Variants in OR2M3 observed in about 807,000 individuals in gnomAD.
OR2M3 encodes the protein olfactory receptor 2M3.
In OR2M3, 1 loss-of-function variant was observed where a neutral mutation model predicts 4.3. The ratio of observed to expected loss-of-function variants is 0.23; its 90% CI spans 0.08 to 1.11. OR2M3 has a LOEUF of 1.11. Ranked by LOEUF, OR2M3 falls within the 50% of genes most tolerant of loss-of-function variation. The pLI, the probability that OR2M3 is intolerant of heterozygous loss-of-function variation, is 0.54. For synonymous variants in OR2M3, 151 were observed against 139.4 expected (o/e 1.08, Z -0.59); for missense variants, 410 against 390.4 (o/e 1.05, Z -0.42).
chr1:248,210,560 C>G lies in OR2M3; in HGVS notation c.*6554C>G, dbSNP rs1666271912. ...GAAAATAGCCTTAACTGATGACATT[C>G]CACCATTGTGATTTGTTTCTGCCCC... On this transcript the variant is annotated 3_prime_UTR_variant, in exon 2 of 2. Transcript: ENST00000641626. 1 of 153,576 alleles carries G rather than the reference C, an allele frequency of 6.5e-6. No individual in the cohort carries two copies. Among genetic ancestry groups the G allele is most frequent in the South Asian group, 2.1e-4 (1 of 4,862 alleles). The allele number at this position is 153,576 out of a possible 1,614,324, so 9.5% of individuals were successfully genotyped here. A position where few individuals can be genotyped will look rare whatever the true frequency, so the allele number is the denominator to read the frequency against.
At chr1:248,198,747 A>G (rs1666125445) in intron 1 of OR2M3, among the ~76,000 whole-genome samples, 1 of 151,974 alleles carries the variant, frequency 6.6e-6, no homozygotes, top group Non-Finnish European at 1.5e-5. Flanking sequence ...TCTCATCATG[A>G]TTTTCATAAT....
intron 1 of OR2M3, among the ~76,000 whole-genome samples, chr1:248,198,343 T>C (rs1271946795): frequency 2.6e-5 from 4 of 152,190 alleles, no homozygotes; most frequent in Non-Finnish European, 5.9e-5. Flanking sequence ...ACTTTGTTCA[T>C]TCAACATTCT....
At chr1:248,198,577 C>T (rs1228620743) in intron 1 of OR2M3, among the ~76,000 whole-genome samples, 2 of 152,134 alleles carry the variant, frequency 1.3e-5, no homozygotes, top group Admixed American at 6.6e-5. Flanking sequence ...CACATGCTGT[C>T]TGATACATAA....
intron 1 of OR2M3, among the ~76,000 whole-genome samples, chr1:248,201,918 T>A (rs908274327): frequency 2.6e-5 from 4 of 152,086 alleles, no homozygotes; most frequent in Non-Finnish European, 5.9e-5. Flanking sequence ...GTAGCCACAG[T>A]GGTCAACACG....
Position 248,208,716 on chromosome 1 carries a change from G to A in OR2M3, c.*4710G>A, listed in dbSNP as rs956406805. On this transcript the variant is annotated 3_prime_UTR_variant, in exon 2 of 2. Transcript: ENST00000641626. ...TAATAAATCTGCTATCAATGTGATA[G>A]GTTTTTCTTTACAGGTTACCTGATG... The A allele has an allele frequency of 6.6e-6, 1 of 152,104 alleles. No homozygotes were observed. The highest frequency in any genetic ancestry group is 6.6e-5 in the Admixed American group (1 of 15,244). 9.4% of individuals were successfully genotyped at this position (152,104 alleles called of 1,614,324 possible). A position where few individuals can be genotyped will look rare whatever the true frequency, so the allele number is the denominator to read the frequency against.
Position 248,212,913 on chromosome 1 carries a change from A to G in OR2M3, c.*8907A>G, listed in dbSNP as rs1666296455. On this transcript the variant is annotated 3_prime_UTR_variant, in exon 2 of 2. Coordinates refer to ENST00000641626, the MANE Select transcript of OR2M3 (RefSeq NM_001004689.2). ...TTTTATTCATATTATAAAGGATTATATATCTGTTGTGGGTGTGAATTATCT... is the reference window on the plus strand; with the variant it reads ...TTTTATTCATATTATAAAGGATTATGTATCTGTTGTGGGTGTGAATTATCT... The G allele has an allele frequency of 6.6e-6, 1 of 151,928 alleles. No homozygotes were observed. The highest frequency in any genetic ancestry group is 1.5e-5 in the Non-Finnish European group (1 of 67,974). 9.4% of individuals were successfully genotyped at this position (151,928 alleles called of 1,614,324 possible).
Position 248,204,084 on chromosome 1 carries a change from A to T in OR2M3, c.*78A>T. ...GTCCTATTTTTCCATTAAGCCTTGAAAATGGGATTCATTGTGTACATAAAT... is the reference window on the plus strand; with the variant it reads ...GTCCTATTTTTCCATTAAGCCTTGATAATGGGATTCATTGTGTACATAAAT... On this transcript the variant is annotated 3_prime_UTR_variant, in exon 2 of 2. Transcript: ENST00000641626. 7.2e-7 allele frequency: 1 copy of T among 1,382,872 alleles called. No homozygotes were observed. The highest frequency in any genetic ancestry group is 1.0e-6 in the Non-Finnish European group (1 of 981,086). 85.7% of individuals were successfully genotyped at this position (1,382,872 alleles called of 1,614,324 possible).
At position 248,206,369 on chromosome 1, in the gene OR2M3, T is replaced by A. The variant is rs1466250119; in HGVS notation, c.*2363T>A. On this transcript the variant is annotated 3_prime_UTR_variant, in exon 2 of 2. Transcript: ENST00000641626. ...GACATGGTGAAAGTGGACATCCTTG[T>A]CTTGTTCCAGTTCTCAGGGGGAATG... The A allele has an allele frequency of 6.6e-6, 1 of 152,118 alleles. No individual in the cohort carries two copies. The highest frequency in any genetic ancestry group is 2.4e-5 in the African/African-American group (1 of 41,434). 9.4% of individuals were successfully genotyped at this position (152,118 alleles called of 1,614,324 possible). A position where few individuals can be genotyped will look rare whatever the true frequency, so the allele number is the denominator to read the frequency against.
rs1262226566 is a variant in OR2M3, at chr1:248,212,747, C to T, written c.*8741C>T. The T allele has an allele frequency of 6.6e-6, 1 of 151,950 alleles. No individual in the cohort carries two copies. The highest frequency in any genetic ancestry group is 2.4e-5 in the African/African-American group (1 of 41,406). The allele number at this position is 151,950 out of a possible 1,614,324, so 9.4% of individuals were successfully genotyped here. On this transcript the variant is annotated 3_prime_UTR_variant, in exon 2 of 2. Coordinates refer to ENST00000641626, the MANE Select transcript of OR2M3 (RefSeq NM_001004689.2). ...TGAAAAACAGAAACCAGGCTCCTGTCTTTGTTTCCAGTCTCACCTACTTTC... is the reference window on the plus strand; with the variant it reads ...TGAAAAACAGAAACCAGGCTCCTGTTTTTGTTTCCAGTCTCACCTACTTTC...
rs1666253531 is a variant in OR2M3, at chr1:248,209,151, C to T, written c.*5145C>T. 6.6e-6 allele frequency: 1 copy of T among 151,956 alleles called. No homozygotes were observed. Among genetic ancestry groups the T allele is most frequent in the Admixed American group, 6.6e-5 (1 of 15,264 alleles). 9.4% of individuals were successfully genotyped at this position (151,956 alleles called of 1,614,324 possible). A position where few individuals can be genotyped will look rare whatever the true frequency, so the allele number is the denominator to read the frequency against. On this transcript the variant is annotated 3_prime_UTR_variant, in exon 2 of 2. Coordinates refer to ENST00000641626, the MANE Select transcript of OR2M3 (RefSeq NM_001004689.2). ...GCATTTCACATTTCTCTAAGTGTGT[C>T]CTTGATTTTTAGAAGTTGTGAGTGT... is the stretch of plus-strand genomic sequence containing the variant.
intron 1 of OR2M3, among the ~76,000 whole-genome samples, chr1:248,200,376 CT>C (rs377019501): frequency 8.5e-5 from 13 of 152,208 alleles, no homozygotes; most frequent in African/African-American, 1.7e-4. Context: ...GTCTTTCCCC[CT>C]GATTGACTTT....
chr1:248,201,235 C>T (rs1227705858), intron 1 of OR2M3, among the ~76,000 whole-genome samples: 3 of 151,818 alleles, frequency 2.0e-5, no homozygotes, highest in Admixed American at 6.6e-5. Flanking sequence ...TGTGTATGTT[C>T]TATTTATGCA....
At chr1:248,201,693 G>A (rs1284583836) in intron 1 of OR2M3, among the ~76,000 whole-genome samples, 1 of 151,416 alleles carries the variant, frequency 6.6e-6, no homozygotes, top group Admixed American at 6.6e-5. Context: ...AGAACATGCG[G>A]TGTTTGGTTT....
At position 248,203,780 on chromosome 1, in the gene OR2M3, T is replaced by C; in HGVS notation, c.713T>C (p.Phe238Ser). The C allele has an allele frequency of 6.2e-7, 1 of 1,612,786 alleles. No individual in the cohort carries two copies. Among genetic ancestry groups the C allele is most frequent in the Non-Finnish European group, 8.5e-7 (1 of 1,179,816 alleles). The change falls in exon 2 of 2, where the codon TTT (phenylalanine) becomes TCT (serine). Residue 238 changes from phenylalanine (F) to serine (S), a missense_variant. Physicochemically the swap from Phe to Ser is radical, Grantham distance 155. Transcript: ENST00000641626. ...MGSGEGRRKA[F>S]TTCSSHLLVV... is the part of the protein sequence containing the mutation. ...TCTGGAGAGGGTCGTCGCAAAGCTTTTACTACTTGTTCCTCTCACCTCTTG... is the reference window on the plus strand; with the variant it reads ...TCTGGAGAGGGTCGTCGCAAAGCTTCTACTACTTGTTCCTCTCACCTCTTG...
rs1420726606 is a variant in OR2M3, at chr1:248,208,238, C to G, written c.*4232C>G. 1 of 151,980 alleles carries G rather than the reference C, an allele frequency of 6.6e-6. No homozygotes were observed. The highest frequency in any genetic ancestry group is 2.4e-5 in the African/African-American group (1 of 41,376). 9.4% of individuals were successfully genotyped at this position (151,980 alleles called of 1,614,324 possible). A position where few individuals can be genotyped will look rare whatever the true frequency, so the allele number is the denominator to read the frequency against. On this transcript the variant is annotated 3_prime_UTR_variant, in exon 2 of 2. Coordinates refer to ENST00000641626, the MANE Select transcript of OR2M3 (RefSeq NM_001004689.2). The stretch of plus-strand genomic sequence containing the variant: ...GGTGAGTTTCCTGAAGATGCACAAA[C>G]TTGGTTGGTGAATTCTTATCCATTC...
chr1:248,211,894 C>G lies in OR2M3; in HGVS notation c.*7888C>G, dbSNP rs576837987. 6.6e-6 allele frequency: 1 copy of G among 152,272 alleles called. No homozygotes were observed. Among genetic ancestry groups the G allele is most frequent in the East Asian group, 1.9e-4 (1 of 5,186 alleles). The allele number at this position is 152,272 out of a possible 1,614,324, so 9.4% of individuals were successfully genotyped here. ...GGAAAATCATTTAATCTTAGTTGCA[C>G]AGGCTTTATTTATATTATTGATTCA... On this transcript the variant is annotated 3_prime_UTR_variant, in exon 2 of 2. Transcript: ENST00000641626.
Position 248,205,917 on chromosome 1 carries a change from A to G in OR2M3, c.*1911A>G, listed in dbSNP as rs561031440. On this transcript the variant is annotated 3_prime_UTR_variant, in exon 2 of 2. Coordinates refer to ENST00000641626, the MANE Select transcript of OR2M3 (RefSeq NM_001004689.2). ...TTTACAATATTGTTTCTACCCATCC[A>G]TGAGTATGGGATGTATTTCCATTTA... 5 of 152,232 alleles carry G rather than the reference A, an allele frequency of 3.3e-5. No homozygotes were observed. The highest frequency in any genetic ancestry group is 9.6e-5 in the African/African-American group (4 of 41,542). 9.4% of individuals were successfully genotyped at this position (152,232 alleles called of 1,614,324 possible). A position where few individuals can be genotyped will look rare whatever the true frequency, so the allele number is the denominator to read the frequency against.
At position 248,207,608 on chromosome 1, in the gene OR2M3, C is replaced by T. The variant is rs1666237294; in HGVS notation, c.*3602C>T. ...AGGTTATTTAATTTCCATGTATTTG[C>T]AAGGTTTTGAGGGTTCCTTTTGGAG... On this transcript the variant is annotated 3_prime_UTR_variant, in exon 2 of 2. Transcript: ENST00000641626. 6.6e-6 allele frequency: 1 copy of T among 152,128 alleles called. No individual in the cohort carries two copies. Among genetic ancestry groups the T allele is most frequent in the South Asian group, 2.1e-4 (1 of 4,830 alleles). The allele number at this position is 152,128 out of a possible 1,614,324, so 9.4% of individuals were successfully genotyped here. A position where few individuals can be genotyped will look rare whatever the true frequency, so the allele number is the denominator to read the frequency against.
In OR2M3 at chr1:248,206,454, A is replaced by T. The variant is rs1666224950; in HGVS notation, c.*2448A>T. The T allele has an allele frequency of 6.6e-6, 1 of 151,930 alleles. No individual in the cohort carries two copies. Among genetic ancestry groups the T allele is most frequent in the African/African-American group, 2.4e-5 (1 of 41,356 alleles). 9.4% of individuals were successfully genotyped at this position (151,930 alleles called of 1,614,324 possible). A position where few individuals can be genotyped will look rare whatever the true frequency, so the allele number is the denominator to read the frequency against. On this transcript the variant is annotated 3_prime_UTR_variant, in exon 2 of 2. Coordinates refer to ENST00000641626, the MANE Select transcript of OR2M3 (RefSeq NM_001004689.2). ...TGTGGATTTCTCATAGAAGGCTTTG[A>T]TTACCTTAACGTCACCTCTATGTCC...
Sources: allele counts gnomAD v4.1 joint callset (sites outside exome capture counted in the v4.1 genomes callset), GRCh38; gene constraint gnomAD v4.1.1; transcripts MANE v1.5; gene names NCBI Gene and HGNC (gene_info 2026-07-23, HGNC 2026-07-21).